The following CSMD1 variants were observed in gnomAD, a reference collection of about 807,000 sequenced individuals.
The protein encoded by CSMD1 is CUB and sushi domain-containing protein 1.
CSMD1 carries 213 observed loss-of-function variants against 417.5 expected under a neutral mutation model. The observed-to-expected ratio is 0.51, with a 90% CI of 0.46 to 0.57. CSMD1 has a LOEUF of 0.57. CSMD1 is among the 20% of genes least tolerant of loss of function. CSMD1 has a pLI of 0.00. For missense variants in CSMD1, 6,923 were observed against 4,529.7 expected (o/e 1.53, Z -15.17); for synonymous variants, 2,862 against 1,736.8 (o/e 1.65, Z -16.11).
intron 23 of CSMD1, among the ~76,000 whole-genome samples, chr8:3,319,777 A>C (rs1422847611): frequency 6.6e-6 from 1 of 152,192 alleles, no homozygotes; most frequent in Non-Finnish European, 1.5e-5. Flanking sequence ...GCTATTTTTA[A>C]AGTAATTCTT....
intron 7 of CSMD1, among the ~76,000 whole-genome samples, chr8:3,617,575 G>C (rs941395615): frequency 1.3e-5 from 2 of 152,142 alleles, no homozygotes; most frequent in African/African-American, 4.8e-5. Context: ...AACATTACAG[G>C]ATGCTAATAA....
intron 3 of CSMD1, among the ~76,000 whole-genome samples, chr8:4,099,398 G>A (rs1018284941): frequency 6.6e-6 from 1 of 152,030 alleles, no homozygotes; most frequent in African/African-American, 2.4e-5. Context: ...TCGCTTACCT[G>A]AAGCTGCTTT....
intron 5 of CSMD1, among the ~76,000 whole-genome samples, chr8:3,989,263 G>C (rs945662087): frequency 2.0e-5 from 3 of 152,162 alleles, no homozygotes; most frequent in African/African-American, 7.2e-5. Context: ...CCTGCTCTAC[G>C]TCATCAAGCT....
chr8:3,299,835 A>T (rs180681190), intron 25 of CSMD1, among the ~76,000 whole-genome samples: 3 of 152,366 alleles, frequency 2.0e-5, no homozygotes, highest in Admixed American at 6.5e-5. Flanking sequence ...TTAAGGACTG[A>T]AAAGCCTTTG....
chr8:3,581,805 T>C (rs1425565914), intron 9 of CSMD1, among the ~76,000 whole-genome samples: 2 of 152,178 alleles, frequency 1.3e-5, no homozygotes, highest in African/African-American at 2.4e-5. Flanking sequence ...GTCTTTTTTT[T>C]TTCCTTTTTA....
chr8:4,122,418 CAACA>C (rs1802536445), intron 3 of CSMD1, among the ~76,000 whole-genome samples: 1 of 152,260 alleles, frequency 6.6e-6, no homozygotes, highest in African/African-American at 2.4e-5. Flanking sequence ...TAAATATGAA[CAACA>C]AACCTCTGAC....
At chr8:4,660,174 C>T (rs1585408074) in intron 1 of CSMD1, among the ~76,000 whole-genome samples, 1 of 147,442 alleles carries the variant, frequency 6.8e-6, no homozygotes, top group African/African-American at 2.5e-5. Flanking sequence ...AGAAATAAAA[C>T]TGTCCATATT....
At chr8:4,367,402 T>G (rs1197228013) in intron 3 of CSMD1, among the ~76,000 whole-genome samples, 60 of 152,114 alleles carry the variant, frequency 3.9e-4, no homozygotes. Context: ...TCCTCTCTCA[T>G]TTTTCATTGG....
At chr8:3,722,307 C>CAAAT (rs1368771856) in intron 6 of CSMD1, among the ~76,000 whole-genome samples, 3 of 151,968 alleles carry the variant, frequency 2.0e-5, no homozygotes, top group Non-Finnish European at 4.4e-5. Flanking sequence ...GACTCCATCT[C>CAAAT]AAATAAATAA....
chr8:3,734,991 G>A (rs1178784620), intron 6 of CSMD1, among the ~76,000 whole-genome samples: 7 of 152,196 alleles, frequency 4.6e-5, no homozygotes. Flanking sequence ...CTCCCCTGTG[G>A]TGTGCAAAGA....
At chr8:4,107,550 A>C (rs1801631171) in intron 3 of CSMD1, among the ~76,000 whole-genome samples, 1 of 152,234 alleles carries the variant, frequency 6.6e-6, no homozygotes, top group Non-Finnish European at 1.5e-5. Context: ...TTTAAGCTAC[A>C]AAGTAGCACC....
chr8:4,227,349 G>A (rs945855673), intron 3 of CSMD1, among the ~76,000 whole-genome samples: 2 of 152,074 alleles, frequency 1.3e-5, no homozygotes, highest in Non-Finnish European at 1.5e-5. Flanking sequence ...GTCCTAATAA[G>A]AGGTCTATTG....
intron 3 of CSMD1, among the ~76,000 whole-genome samples, chr8:4,329,609 A>G (rs1213809322): frequency 6.6e-6 from 1 of 151,924 alleles, no homozygotes; most frequent in Non-Finnish European, 1.5e-5. Flanking sequence ...ATTTTTCTTT[A>G]TTTACTACTT....
intron 2 of CSMD1, among the ~76,000 whole-genome samples, chr8:4,584,539 G>A (rs796242601): frequency 7.2e-5 from 11 of 152,232 alleles, no homozygotes; most frequent in East Asian, 3.9e-4. Flanking sequence ...AGTTGGGACC[G>A]TTGGTTTGCC....
chr8:4,382,145 G>T (rs553915044), intron 3 of CSMD1, among the ~76,000 whole-genome samples: 4 of 152,128 alleles, frequency 2.6e-5, no homozygotes, highest in Non-Finnish European at 5.9e-5. Context: ...CTTTGACAAA[G>T]CAAAGCATGC....
rs199914341 is a variant in CSMD1, at chr8:3,308,452, C to A, written c.3683G>T (p.Arg1228Met). ...EDPGIPNYGY[R>M]IRDEGHFTDT... is the part of the protein sequence containing the mutation. ...GGTAAAGTGGCCTTCATCACGGATC[C>A]TATAGCCGTAGTTAGGGATGCCCGG... is the stretch of plus-strand genomic sequence containing the variant. The change falls in exon 24 of 70, where the codon AGG becomes ATG. Residue 1228 changes from arginine (R) to methionine (M), a missense_variant. Transcript: ENST00000635120. 4.3e-6 allele frequency: 7 copies of A among 1,613,580 alleles called. No individual in the cohort carries two copies. In the South Asian group the frequency reaches 7.7e-5, roughly 18 times the overall value.
At chr8:3,514,157 A>C in intron 10 of CSMD1, among the ~76,000 whole-genome samples, 1 of 152,192 alleles carries the variant, frequency 6.6e-6, no homozygotes, top group East Asian at 1.9e-4. Flanking sequence ...GTCTCCCAGG[A>C]AGCTGTCATA....
chr8:3,619,067 T>C (rs1010410304), intron 7 of CSMD1, among the ~76,000 whole-genome samples: 1 of 152,080 alleles, frequency 6.6e-6, no homozygotes, highest in Non-Finnish European at 1.5e-5. Flanking sequence ...TGCAAACCCA[T>C]GGGTACACTG....
At chr8:4,169,781 C>T (rs558890089) in intron 3 of CSMD1, among the ~76,000 whole-genome samples, 5 of 152,236 alleles carry the variant, frequency 3.3e-5, no homozygotes, top group Admixed American at 1.3e-4. Flanking sequence ...GCTTCTTTAC[C>T]GTTAAACGTA....
Sources: gnomAD v4.1 joint callset for allele counts (sites outside exome capture counted in the v4.1 genomes callset) on GRCh38, gnomAD v4.1.1 for gene constraint, MANE v1.5 for transcripts, NCBI Gene and HGNC (gene_info 2026-07-23, HGNC 2026-07-21) for gene names.